The following LINGO2 variants were observed in gnomAD, a reference collection of about 807,000 sequenced individuals.
LINGO2 encodes leucine rich repeat and Ig domain containing 2, also known as leucine-rich repeat and immunoglobulin-like domain-containing nogo receptor-interacting protein 2.
A neutral mutation model predicts 30.6 loss-of-function variants in LINGO2; 14 were observed. That is an observed-to-expected ratio of 0.46 (90% CI 0.30 to 0.72). The LOEUF (loss-of-function observed/expected upper bound fraction) is 0.72. Among genes scored for constraint, LINGO2 ranks in the 30% least tolerant of loss-of-function variants. The pLI is 0.07. For missense variants in LINGO2, 729 were observed against 751.7 expected (o/e 0.97, Z 0.35); for synonymous variants, 317 against 288.5 (o/e 1.10, Z -1.00).
chr9:28,055,992 T>C (rs1824921744), intron 4 of LINGO2, among the ~76,000 whole-genome samples: 1 of 152,110 alleles, frequency 6.6e-6, no homozygotes, highest in African/African-American at 2.4e-5. Flanking sequence ...AGACCTTCAT[T>C]ATGAGACGAA....
intron 4 of LINGO2, among the ~76,000 whole-genome samples, chr9:28,231,612 ACT>A (rs1171417017): frequency 1.3e-5 from 2 of 152,014 alleles, no homozygotes; most frequent in African/African-American, 4.8e-5. Flanking sequence ...GACATCTGAC[ACT>A]CTCTTCCCTA....
intron 2 of LINGO2, among the ~76,000 whole-genome samples, chr9:28,432,236 T>C (rs988866082): frequency 6.6e-6 from 1 of 151,910 alleles, no homozygotes. Flanking sequence ...ACAATGACTA[T>C]TGGGGGAGAT....
chr9:29,038,010 T>C, the LINGO2 span, among the ~76,000 whole-genome samples: 2 of 152,104 alleles, frequency 1.3e-5, no homozygotes, highest in Non-Finnish European at 2.9e-5. Context: ...CTTATATGAA[T>C]ACTTCATAAA....
the LINGO2 span, among the ~76,000 whole-genome samples, chr9:28,982,190 G>A: frequency 6.6e-6 from 1 of 152,030 alleles, no homozygotes; most frequent in Non-Finnish European, 1.5e-5. Context: ...GGAAGGATTT[G>A]GGGATATACA....
the LINGO2 span, among the ~76,000 whole-genome samples, chr9:29,190,879 C>T: frequency 6.6e-6 from 1 of 152,014 alleles, no homozygotes; most frequent in African/African-American, 2.4e-5. Context: ...ATGTGATTTC[C>T]AGTGCTAATC....
Position 28,033,583 on chromosome 9 carries a change from A to T in LINGO2, c.-86-21178T>A, listed in dbSNP as rs370937605. On this transcript the variant is annotated intron_variant, in intron 4 of 5. Transcript: ENST00000379992. ...ACCAAAATGTCAATTAGGTAATTTC[A>T]TCATGGACTGATGCTTTCTCTCCTA... Among the ~76,000 whole-genome samples the T allele has an allele frequency of 1.7e-4, 26 of 152,306 alleles. 1 individual carries two copies. The East Asian group carries it at 3.5e-3, about 20-fold the overall frequency.
At chr9:28,769,681 C>CTT in the LINGO2 span, among the ~76,000 whole-genome samples, 36 of 139,664 alleles carry the variant, frequency 2.6e-4, no homozygotes, top group African/African-American at 8.7e-4. Flanking sequence ...TTTTCAGGAA[C>CTT]TTTTTTTTTT....
intron 4 of LINGO2, among the ~76,000 whole-genome samples, chr9:28,189,553 AAGGAAGGG>A (rs1819708247): frequency 6.2e-5 from 1 of 16,176 alleles, no homozygotes; most frequent in Non-Finnish European, 1.1e-4. Flanking sequence ...GGGAGGAAGG[AAGGAAGGG>A]AGGAAGGAAG....
chr9:28,569,462 T>C (rs1318616334), intron 1 of LINGO2, among the ~76,000 whole-genome samples: 4 of 151,746 alleles, frequency 2.6e-5, no homozygotes, highest in Non-Finnish European at 5.9e-5. Context: ...CCTTCAACAA[T>C]AGGGAAATTC....
At chr9:28,892,683 A>G in the LINGO2 span, among the ~76,000 whole-genome samples, 2 of 151,978 alleles carry the variant, frequency 1.3e-5, no homozygotes, top group Admixed American at 1.3e-4. Flanking sequence ...GGCATAAGAA[A>G]CAGCAATGAT....
intron 1 of LINGO2, among the ~76,000 whole-genome samples, chr9:28,629,436 T>G (rs1405580887): frequency 1.3e-5 from 2 of 152,138 alleles, no homozygotes; most frequent in Non-Finnish European, 2.9e-5. Context: ...AAAAACTTAA[T>G]GTTAGCATAT....
At chr9:27,957,876 T>C (rs1819654506) in intron 5 of LINGO2, among the ~76,000 whole-genome samples, 1 of 152,236 alleles carries the variant, frequency 6.6e-6, no homozygotes, top group Non-Finnish European at 1.5e-5. Flanking sequence ...TATTCTTTAA[T>C]TTCCTTCAAC....
chr9:28,875,282 T>C, the LINGO2 span, among the ~76,000 whole-genome samples: 1 of 152,088 alleles, frequency 6.6e-6, no homozygotes, highest in Non-Finnish European at 1.5e-5. Context: ...CATCTCTTTT[T>C]CTCTCTTTCT....
intron 2 of LINGO2, among the ~76,000 whole-genome samples, chr9:28,415,540 C>T (rs771452046): frequency 3.9e-5 from 6 of 152,144 alleles, no homozygotes; most frequent in Non-Finnish European, 8.8e-5. Context: ...TGGCTCCTAT[C>T]TTCCGATCTT....
the LINGO2 span, among the ~76,000 whole-genome samples, chr9:28,947,459 T>C: frequency 6.6e-6 from 1 of 152,058 alleles, no homozygotes; most frequent in Non-Finnish European, 1.5e-5. Flanking sequence ...TATCTACCTC[T>C]TAAGGCTGTT....
chr9:27,949,171 TCA>T lies in LINGO2; in HGVS notation c.1499_1500del (p.Val500GlufsTer23). 6.2e-7 allele frequency: 1 copy of T among 1,614,094 alleles called. No homozygotes were observed. ...AGAAAACGATCTGAAGCGAATCCTTTCACAGTTAAGGAGGCTGTGAAGGTATC... is the reference window on the plus strand; with the variant it reads ...AGAAAACGATCTGAAGCGAATCCTTTCAGTTAAGGAGGCTGTGAAGGTATC... On this transcript the variant is annotated frameshift_variant, in exon 6 of 6. Coordinates refer to ENST00000379992, the Ensembl canonical transcript of LINGO2. LOFTEE classifies it high-confidence loss of function.
At chr9:28,126,991 C>T (rs1827254072) in intron 4 of LINGO2, among the ~76,000 whole-genome samples, 1 of 152,078 alleles carries the variant, frequency 6.6e-6, no homozygotes. Flanking sequence ...TTACATGCAC[C>T]ATTTATATGA....
chr9:28,080,897 G>T (rs1189982273), intron 4 of LINGO2: 2 of 152,220 alleles, frequency 1.3e-5, no homozygotes, highest in South Asian at 2.1e-4. Context: ...AACAGAAAAG[G>T]CTTGACGTTC....
chr9:28,515,303 C>T (rs1820577924), intron 1 of LINGO2, among the ~76,000 whole-genome samples: 1 of 151,126 alleles, frequency 6.6e-6, no homozygotes, highest in African/African-American at 2.4e-5. Flanking sequence ...GCCTCCCAGG[C>T]TCATGCCATT....
Sources: gnomAD v4.1 joint callset for allele counts (sites outside exome capture counted in the v4.1 genomes callset) on GRCh38, gnomAD v4.1.1 for gene constraint, MANE v1.5 for transcripts, NCBI Gene and HGNC (gene_info 2026-07-23, HGNC 2026-07-21) for gene names.